Variants in CTNNA3 observed in about 807,000 individuals in gnomAD.
CTNNA3 encodes the protein catenin alpha 3, also known as catenin alpha-3.
A neutral mutation model predicts 95.7 loss-of-function variants in CTNNA3; 76 were observed. The ratio of observed to expected loss-of-function variants is 0.79; its 90% CI spans 0.66 to 0.96. The LOEUF (loss-of-function observed/expected upper bound fraction) is 0.96, where lower values mean the gene tolerates loss of function less well. Ranked by LOEUF, CTNNA3 falls within the 40% of genes least tolerant of loss-of-function variation. The pLI is 0.00. For synonymous variants in CTNNA3, 431 were observed against 374.4 expected, an observed-to-expected ratio of 1.15 and a Z score of -1.74; for missense variants, 1,191 against 1,089.8, an observed-to-expected ratio of 1.09 and a Z score of -1.31.
At chr10:66,469,427 T>C (rs1839046614) in intron 11 of CTNNA3, among the ~76,000 whole-genome samples, 1 of 151,898 alleles carries the variant, frequency 6.6e-6, no homozygotes, top group African/African-American at 2.4e-5. Context: ...TTTTTCGCTG[T>C]AACCCAGAGA....
chr10:66,164,533 A>G (rs76843468), intron 13 of CTNNA3, among the ~76,000 whole-genome samples: 1 of 148,328 alleles, frequency 6.7e-6, no homozygotes, highest in African/African-American at 2.5e-5. Flanking sequence ...TTTTTTTTTT[A>G]GATGTTTCCC....
intron 7 of CTNNA3, among the ~76,000 whole-genome samples, chr10:66,777,324 T>C (rs1247417253): frequency 3.3e-5 from 5 of 151,754 alleles, no homozygotes; most frequent in African/African-American, 9.7e-5. Flanking sequence ...GGCCAGTAAG[T>C]CTTTACCATG....
intron 12 of CTNNA3, among the ~76,000 whole-genome samples, chr10:66,360,456 T>C (rs1334112315): frequency 6.6e-6 from 1 of 152,176 alleles, no homozygotes; most frequent in African/African-American, 2.4e-5. Context: ...TATTTGAATA[T>C]GACATCTGAA....
intron 7 of CTNNA3, among the ~76,000 whole-genome samples, chr10:67,074,034 CTTTTT>C (rs35411851): frequency 9.1e-6 from 1 of 109,436 alleles, no homozygotes. Context: ...CATTTTAACT[CTTTTT>C]TTTTTTTTTT....
intron 5 of CTNNA3, among the ~76,000 whole-genome samples, chr10:67,310,959 T>G (rs1840769263): frequency 6.6e-6 from 1 of 152,212 alleles, no homozygotes; most frequent in African/African-American, 2.4e-5. Context: ...AAAGATAATT[T>G]GTGAAAATGA....
At chr10:67,622,792 A>G (rs906824567) in intron 2 of CTNNA3, among the ~76,000 whole-genome samples, 5 of 152,248 alleles carry the variant, frequency 3.3e-5, no homozygotes, top group Non-Finnish European at 7.3e-5. Flanking sequence ...CAGAAATTGG[A>G]GAATTCACTT....
intron 7 of CTNNA3, among the ~76,000 whole-genome samples, chr10:66,933,716 G>A (rs1021286795): frequency 6.6e-6 from 1 of 151,906 alleles, no homozygotes; most frequent in African/African-American, 2.4e-5. Flanking sequence ...AAAAATCACT[G>A]GATAAAAAGG....
intron 13 of CTNNA3, among the ~76,000 whole-genome samples, chr10:66,175,478 C>T (rs992079370): frequency 1.3e-5 from 2 of 152,188 alleles, no homozygotes; most frequent in Non-Finnish European, 2.9e-5. Flanking sequence ...TCACCAAACA[C>T]TGACCAGGTA....
intron 7 of CTNNA3, among the ~76,000 whole-genome samples, chr10:66,849,181 A>G (rs1469015056): frequency 6.6e-6 from 1 of 152,120 alleles, no homozygotes; most frequent in African/African-American, 2.4e-5. Context: ...AAGGTCAAAA[A>G]CCGTAATTTC....
chr10:66,067,544 TA>T (rs1233183215), intron 15 of CTNNA3, among the ~76,000 whole-genome samples: 1 of 152,198 alleles, frequency 6.6e-6, no homozygotes, highest in Non-Finnish European at 1.5e-5. Flanking sequence ...TAAATAAATT[TA>T]TATGTTTTTT....
At chr10:67,238,886 G>A (rs1476984031) in intron 5 of CTNNA3, among the ~76,000 whole-genome samples, 4 of 151,996 alleles carry the variant, frequency 2.6e-5, no homozygotes, top group Admixed American at 6.6e-5. Flanking sequence ...GTAGTATACA[G>A]CACATATTAG....
intron 7 of CTNNA3, among the ~76,000 whole-genome samples, chr10:66,814,266 GAAAAA>G (rs71035182): frequency 7.3e-6 from 1 of 137,090 alleles, no homozygotes. Context: ...AAGGAGGAAA[GAAAAA>G]AAAAAAAAAA....
At chr10:66,354,157 G>C (rs1325161423) in intron 12 of CTNNA3, among the ~76,000 whole-genome samples, 1 of 151,906 alleles carries the variant, frequency 6.6e-6, no homozygotes, top group Non-Finnish European at 1.5e-5. Context: ...GGTGGCGGGC[G>C]CCTGTAATCC....
intron 11 of CTNNA3, among the ~76,000 whole-genome samples, chr10:66,507,087 A>G (rs1431040523): frequency 6.6e-6 from 1 of 152,152 alleles, no homozygotes; most frequent in Non-Finnish European, 1.5e-5. Context: ...TGGAAAATCA[A>G]TTTATTTTCC....
intron 10 of CTNNA3, among the ~76,000 whole-genome samples, chr10:66,529,376 C>T (rs773910609): frequency 2.6e-5 from 4 of 151,722 alleles, no homozygotes; most frequent in Non-Finnish European, 5.9e-5. Flanking sequence ...AGGTGATCCA[C>T]CCGCCTTGGC....
chr10:66,489,745 T>C (rs1399023358), intron 11 of CTNNA3, among the ~76,000 whole-genome samples: 4 of 152,306 alleles, frequency 2.6e-5, no homozygotes, highest in Non-Finnish European at 5.9e-5. Context: ...AACTAGATAC[T>C]TCAGGAAGGA....
intron 7 of CTNNA3, among the ~76,000 whole-genome samples, chr10:66,877,071 T>C (rs1844653851): frequency 6.6e-6 from 1 of 152,078 alleles, no homozygotes; most frequent in African/African-American, 2.4e-5. Flanking sequence ...CCTGACTTTC[T>C]TACCTCTGCA....
chr10:67,576,669 G>A (rs1158160027), intron 3 of CTNNA3, among the ~76,000 whole-genome samples: 1 of 141,362 alleles, frequency 7.1e-6, no homozygotes, highest in Non-Finnish European at 1.5e-5. Flanking sequence ...TTGTCATTTA[G>A]CATTAGGTAT....
At chr10:66,239,638 T>C (rs574445355) in intron 13 of CTNNA3, among the ~76,000 whole-genome samples, 1 of 152,136 alleles carries the variant, frequency 6.6e-6, no homozygotes, top group Non-Finnish European at 1.5e-5. Context: ...TCCTTTGAGG[T>C]GGACATATTT....
Sources: allele counts gnomAD v4.1 joint callset (sites outside exome capture counted in the v4.1 genomes callset), GRCh38; gene constraint gnomAD v4.1.1; transcripts MANE v1.5; gene names NCBI Gene and HGNC (gene_info 2026-07-23, HGNC 2026-07-21).